Variants in PRKCB observed in about 807,000 individuals in gnomAD.
The protein encoded by PRKCB is protein kinase C beta.
PRKCB carries 13 observed loss-of-function variants against 81.5 expected under a neutral mutation model. The observed-to-expected ratio is 0.16, with a 90% confidence interval of 0.10 to 0.25. The LOEUF is 0.25. PRKCB is among the 10% of genes least tolerant of loss of function. The pLI is 1.00. For missense variants in PRKCB, 509 were observed against 875.7 expected, an observed-to-expected ratio of 0.58 and a Z score of 5.29; for synonymous variants, 335 against 321.4, an observed-to-expected ratio of 1.04 and a Z score of -0.45.
At chr16:24,019,822 A>G (rs1403082284) in intron 3 of PRKCB, among the ~76,000 whole-genome samples, 3 of 152,016 alleles carry the variant, frequency 2.0e-5, no homozygotes, top group African/African-American at 7.2e-5. Context: ...GAACTTCCTC[A>G]TTGTACTTTA....
intron 2 of PRKCB, among the ~76,000 whole-genome samples, chr16:23,987,338 A>G (rs760919481): frequency 6.7e-5 from 9 of 133,730 alleles, no homozygotes; most frequent in Non-Finnish European, 1.1e-4. Flanking sequence ...CTTGTAGTCT[A>G]TTTGTTGAAG....
chr16:24,181,717 G>A (rs933772875), intron 13 of PRKCB, among the ~76,000 whole-genome samples: 40 of 123,622 alleles, frequency 3.2e-4, no homozygotes, highest in African/African-American at 1.0e-3. Context: ...GCAGTGAGCC[G>A]TGATTATGCC....
chr16:24,168,714 CTATTT>C (rs1967390996), intron 10 of PRKCB, among the ~76,000 whole-genome samples: 2 of 120,852 alleles, frequency 1.7e-5, no homozygotes, highest in African/African-American at 3.1e-5. Context: ...CCATGCCTGG[CTATTT>C]TTTTTTTTTT....
intron 9 of PRKCB, among the ~76,000 whole-genome samples, chr16:24,144,586 C>G (rs1966960546): frequency 1.3e-5 from 2 of 152,338 alleles, no homozygotes; most frequent in South Asian, 4.1e-4. Context: ...CAGGCATGAG[C>G]CACCAAGCCC....
chr16:24,109,027 G>C (rs1398328045), intron 7 of PRKCB, among the ~76,000 whole-genome samples: 2 of 134,392 alleles, frequency 1.5e-5, no homozygotes, highest in East Asian at 4.6e-4. Flanking sequence ...GGCCGGGCGG[G>C]GGGCTGACCC....
chr16:23,885,088 GATA>G (rs548388835), intron 2 of PRKCB, among the ~76,000 whole-genome samples: 14 of 152,202 alleles, frequency 9.2e-5, no homozygotes, highest in South Asian at 4.1e-4. Flanking sequence ...TAACAATAAC[GATA>G]ATAATAAGTA....
At chr16:24,088,919 G>A (rs1194703530) in intron 5 of PRKCB, among the ~76,000 whole-genome samples, 2 of 152,124 alleles carry the variant, frequency 1.3e-5, no homozygotes, top group Admixed American at 6.5e-5. Flanking sequence ...GGCCTTGCCA[G>A]GGAGAAGAAA....
chr16:24,101,868 C>T (rs1471192283), intron 7 of PRKCB, among the ~76,000 whole-genome samples: 1 of 152,164 alleles, frequency 6.6e-6, no homozygotes, highest in Non-Finnish European at 1.5e-5. Context: ...CAGGAGTAAG[C>T]CCAAAATATT....
chr16:24,120,875 A>G (rs1377200337), intron 8 of PRKCB, among the ~76,000 whole-genome samples: 1 of 152,056 alleles, frequency 6.6e-6, no homozygotes, highest in African/African-American at 2.4e-5. Context: ...CTGGGACTAC[A>G]GGCACACACC....
At chr16:23,935,851 A>G (rs1421258501) in intron 2 of PRKCB, among the ~76,000 whole-genome samples, 2 of 152,174 alleles carry the variant, frequency 1.3e-5, no homozygotes, top group Non-Finnish European at 2.9e-5. Context: ...ATAAATATGA[A>G]ACTAGACACT....
chr16:24,162,239 G>A (rs543075880), intron 10 of PRKCB, among the ~76,000 whole-genome samples: 222 of 152,112 alleles, frequency 1.5e-3, no homozygotes, highest in Non-Finnish European at 2.6e-3. Context: ...AATGAGCCCC[G>A]AGAATGTCCC....
chr16:24,147,703 A>G (rs897561604), intron 9 of PRKCB, among the ~76,000 whole-genome samples: 2 of 152,190 alleles, frequency 1.3e-5, no homozygotes, highest in Non-Finnish European at 2.9e-5. Context: ...GGGTGTGTTT[A>G]AGGGCATGGA....
chr16:23,867,049 C>T (rs8044819), intron 2 of PRKCB, among the ~76,000 whole-genome samples: 36,714 of 63,882 alleles, frequency 0.57, 7,916 homozygotes, highest in Admixed American at 0.62. Context: ...TCCTTCCTTC[C>T]TTCTCTCTCT....
chr16:24,194,355 A>C (rs1308808886), intron 16 of PRKCB, among the ~76,000 whole-genome samples: 2 of 151,464 alleles, frequency 1.3e-5, no homozygotes, highest in Admixed American at 6.6e-5. Flanking sequence ...AAAAAACAAA[A>C]AACAACAAAA....
chr16:24,128,147 T>G (rs1015342325), intron 9 of PRKCB, among the ~76,000 whole-genome samples: 44 of 152,120 alleles, frequency 2.9e-4, no homozygotes, highest in African/African-American at 9.9e-4. Flanking sequence ...GAGGCCAAGG[T>G]GGGCAGATCA....
intron 10 of PRKCB, among the ~76,000 whole-genome samples, chr16:24,155,227 T>A (rs1452743366): frequency 2.6e-5 from 4 of 152,164 alleles, no homozygotes; most frequent in Non-Finnish European, 5.9e-5. Flanking sequence ...CACAAGTACA[T>A]CTCTGCAGGT....
At chr16:24,170,586 C>G (rs1482884706) in intron 10 of PRKCB, among the ~76,000 whole-genome samples, 1 of 152,124 alleles carries the variant, frequency 6.6e-6, no homozygotes, top group Admixed American at 6.6e-5. Flanking sequence ...AGCAAACACC[C>G]TCTGATGGAA....
intron 3 of PRKCB, among the ~76,000 whole-genome samples, chr16:24,021,024 CTTTCTT>C (rs1965363588): frequency 7.1e-6 from 1 of 140,106 alleles, no homozygotes; most frequent in East Asian, 2.2e-4. Context: ...TTCTTTCTTT[CTTTCTT>C]TCTTTCTTTC....
At position 24,090,581 on chromosome 16, in the gene PRKCB, A is replaced by G. The variant is rs906973559; in HGVS notation, c.530-2210A>G. 2.6e-5 allele frequency among the ~76,000 whole-genome samples: 4 copies of G among 152,192 alleles called. No homozygotes were observed. In the East Asian group the frequency reaches 7.7e-4, roughly 29 times the overall value. On this transcript the variant is annotated intron_variant, in intron 5 of 16. Transcript: ENST00000643927. ...TAGCTAAAATGCACCATAAAATTGA[A>G]TCTGGATATGAATGGAGTAAAAGCA... is the stretch of plus-strand genomic sequence containing the variant.
Sources: gnomAD v4.1 joint callset for allele counts (sites outside exome capture counted in the v4.1 genomes callset) on GRCh38, gnomAD v4.1.1 for gene constraint, MANE v1.5 for transcripts, NCBI Gene and HGNC (gene_info 2026-07-23, HGNC 2026-07-21) for gene names.